The following AP3D1 variants were observed in gnomAD, a reference collection of about 807,000 sequenced individuals.
AP3D1 encodes the protein adaptor related protein complex 3 subunit delta 1, also known as AP-3 complex subunit delta-1.
Under a neutral mutation model 147.6 loss-of-function variants are expected in AP3D1, and 51 were observed. That is an observed-to-expected ratio of 0.35 (90% CI 0.28 to 0.44). The LOEUF is 0.44. Among genes scored for constraint, AP3D1 ranks in the 20% least tolerant of loss-of-function variants. The pLI is 1.00. For synonymous variants in AP3D1, 760 were observed against 663.0 expected (o/e 1.15, Z -2.25); for missense variants, 1,421 against 1,624.2 (o/e 0.87, Z 2.15).
chr19:2,133,451 G>C (rs1012216392), intron 4 of AP3D1: 1 of 151,964 alleles, frequency 6.6e-6, no homozygotes, highest in Admixed American at 6.6e-5. Context: ...ATCTATATAT[G>C]CATCTACCAA....
At chr19:2,121,359 C>T in intron 12 of AP3D1, 48 bp from the exon 13 acceptor site, 1 of 1,600,242 alleles carries the variant, frequency 6.2e-7, no homozygotes, top group Non-Finnish European at 8.5e-7. Flanking sequence ...CAGCCTGGGG[C>T]CTGCTTGGTG....
At chr19:2,164,518 G>A (rs1209393680), upstream of AP3D1, 6 of 300,134 alleles carry the variant, frequency 2.0e-5, no homozygotes, top group African/African-American at 4.4e-5. Context: ...CGGTGCCGTT[G>A]CCCCCGCCGG....
intron 1 of AP3D1, among the ~76,000 whole-genome samples, chr19:2,157,576 CCCATCCACCCACCGACTCAT>C (rs2019658387): frequency 2.0e-5 from 3 of 151,486 alleles, no homozygotes; most frequent in Non-Finnish European, 4.4e-5. Flanking sequence ...TACCCATCCA[CCCATCCACCCACCGACTCAT>C]CCATCCACCC....
chr19:2,113,026 A>AC (rs1302726788), intron 23 of AP3D1, 59 bp from the exon 24 acceptor site: 5 of 1,275,550 alleles, frequency 3.9e-6, no homozygotes, highest in Non-Finnish European at 4.4e-6. Flanking sequence ...ACTCCACTGC[A>AC]CCCCAGACAG....
chr19:2,160,665 G>T (rs552545031), intron 1 of AP3D1, among the ~76,000 whole-genome samples: 1 of 152,104 alleles, frequency 6.6e-6, no homozygotes. Context: ...GTCTTAGCCC[G>T]GATAACCTGT....
chr19:2,126,166 C>T (rs953360981), intron 9 of AP3D1, among the ~76,000 whole-genome samples: 24 of 152,190 alleles, frequency 1.6e-4, no homozygotes, highest in African/African-American at 5.8e-4. Context: ...ATGCTCTTGC[C>T]TCGGCCTCCT....
At chr19:2,146,294 G>C (rs138840488) in intron 1 of AP3D1, among the ~76,000 whole-genome samples, 88 of 152,260 alleles carry the variant, frequency 5.8e-4, no homozygotes, top group Non-Finnish European at 8.8e-4. Context: ...CAGAAGTCAG[G>C]ATCATTACCA....
rs376543698 is a variant in AP3D1 at position 2,141,739 on chromosome 19, CT to C, written c.97-3026del. Among the ~76,000 whole-genome samples, 788 of 147,436 alleles carry C rather than the reference CT, an allele frequency of 5.3e-3. 12 individuals are homozygous for C. The highest frequency in any genetic ancestry group is 0.018 in the African/African-American group (741 of 40,324). ...ACAGGCGTGAGCCACCATGCCCGGCCTTTTTTTTTTCTTTTATTGAGATAGG... is the reference window on the plus strand; with the variant it reads ...ACAGGCGTGAGCCACCATGCCCGGCCTTTTTTTTTCTTTTATTGAGATAGG... On this transcript the variant is annotated intron_variant, in intron 1 of 31. Transcript: ENST00000643116.
intron 14 of AP3D1, among the ~76,000 whole-genome samples, chr19:2,120,321 C>T (rs982002577): frequency 2.0e-5 from 3 of 152,132 alleles, no homozygotes; most frequent in Non-Finnish European, 2.9e-5. Context: ...TTCCTGGAGA[C>T]GGCAGGGGCA....
At position 2,116,760 on chromosome 19, in the gene AP3D1, G is replaced by A. The variant is rs1568283110; in HGVS notation, c.1860-14C>T. 6.2e-7 allele frequency: 1 copy of A among 1,601,162 alleles called. No individual in the cohort carries two copies. The highest frequency in any genetic ancestry group is 8.5e-7 in the Non-Finnish European group (1 of 1,173,824). ...TCCAGGTCCAGGCTGCACCGGACAG[G>A]AGGGCCACACAAGGCAGTGTGTGAC... On this transcript the variant is annotated splice_polypyrimidine_tract_variant and intron_variant, in intron 16 of 31. Transcript: ENST00000643116.
chr19:2,111,976 A>G (rs2018294812), intron 24 of AP3D1, 148 bp from the exon 25 acceptor site: 4 of 1,316,714 alleles, frequency 3.0e-6, no homozygotes, highest in South Asian at 2.7e-5. Flanking sequence ...CCTCAGGCCT[A>G]CCGGGACAAG....
At chr19:2,143,947 G>A (rs2019290972) in intron 1 of AP3D1, among the ~76,000 whole-genome samples, 1 of 151,970 alleles carries the variant, frequency 6.6e-6, no homozygotes, top group African/African-American at 2.4e-5. Flanking sequence ...ATTAGCCGGG[G>A]TGGTGGCTCG....
intron 1 of AP3D1, among the ~76,000 whole-genome samples, chr19:2,144,690 G>A (rs999290400): frequency 3.9e-5 from 6 of 152,152 alleles, no homozygotes; most frequent in African/African-American, 1.4e-4. Context: ...ATCACTTGAG[G>A]TCAGGGGTTT....
chr19:2,127,257 G>C, intron 8 of AP3D1, 56 bp from the exon 9 acceptor site: 5 of 1,586,300 alleles, frequency 3.2e-6, no homozygotes, highest in Non-Finnish European at 4.3e-6. Flanking sequence ...GTCAGATGCA[G>C]TGACCCAGTG....
rs111516049 is a variant in AP3D1, at chr19:2,131,764, G to A, written c.462+707C>T. On this transcript the variant is annotated intron_variant, in intron 5 of 31. Transcript: ENST00000643116. ...CATCGGCCACGATCTAGACACCTCC[G>A]GGCGGACAGGCAGCCACACGGGGAC... Among the ~76,000 whole-genome samples the A allele has an allele frequency of 2.5e-5, 3 of 117,670 alleles. No homozygotes were observed. The Admixed American group carries it at 2.6e-4, about 10-fold the overall frequency. The allele number at this position is 117,670 out of a possible 152,430, so 77.2% of individuals were successfully genotyped here.
intron 4 of AP3D1, 140 bp downstream of exon 4, chr19:2,136,871 C>A (rs529513206): frequency 1.3e-6 from 1 of 757,650 alleles, no homozygotes; most frequent in South Asian, 1.6e-5. Flanking sequence ...GCTGGGAGGA[C>A]TGTGGCTCCG....
chr19:2,113,096 C>T lies in AP3D1; in HGVS notation c.2680-129G>A, dbSNP rs2018333070. 3 of 684,282 alleles carry T rather than the reference C, an allele frequency of 4.4e-6. No individual in the cohort carries two copies. In the South Asian group the frequency reaches 5.7e-5, roughly 13 times the overall value. The allele number at this position is 684,282 out of a possible 1,614,324, so 42.4% of individuals were successfully genotyped here. ...CCTGCCTGAGAGGCCACAGTGCCCTCCGAGTGACAGGGAGCCTGTGAGCAC... is the reference window on the plus strand; with the variant it reads ...CCTGCCTGAGAGGCCACAGTGCCCTTCGAGTGACAGGGAGCCTGTGAGCAC... On this transcript the variant is annotated intron_variant, in intron 23 of 31. Coordinates refer to ENST00000643116, the MANE Select transcript of AP3D1 (RefSeq NM_001261826.3).
chr19:2,120,203 GAGAACCGTGAGTCTC>G (rs2018571967), intron 14 of AP3D1, among the ~76,000 whole-genome samples: 1 of 152,224 alleles, frequency 6.6e-6, no homozygotes, highest in South Asian at 2.1e-4. Flanking sequence ...AGACTGCTGT[GAGAACCGTGAGTCTC>G]AGCAACACAT....
chr19:2,136,400 G>A (rs2019078105), intron 4 of AP3D1, among the ~76,000 whole-genome samples: 1 of 152,220 alleles, frequency 6.6e-6, no homozygotes, highest in African/African-American at 2.4e-5. Context: ...CCTCTGACGT[G>A]CGGTCTGGGG....
Sources: gnomAD v4.1 joint callset for allele counts (sites outside exome capture counted in the v4.1 genomes callset) on GRCh38, gnomAD v4.1.1 for gene constraint, MANE v1.5 for transcripts, NCBI Gene and HGNC (gene_info 2026-07-23, HGNC 2026-07-21) for gene names.